The following RAPGEF5 variants were observed in gnomAD, a reference collection of about 807,000 sequenced individuals.
RAPGEF5 encodes the protein M-Ras-regulated GEF.
Under a neutral mutation model 125.2 loss-of-function variants are expected in RAPGEF5, and 65 were observed. That is an observed-to-expected ratio of 0.52 (90% CI 0.43 to 0.64). RAPGEF5 has a LOEUF of 0.64. RAPGEF5 is among the 30% of genes least tolerant of loss of function. The pLI is 0.00. For missense variants in RAPGEF5, 958 were observed against 1,048.1 expected, an observed-to-expected ratio of 0.91 and a Z score of 1.19; for synonymous variants, 391 against 385.9, an observed-to-expected ratio of 1.01 and a Z score of -0.16.
chr7:22,230,422 G>A (rs1306970732), intron 8 of RAPGEF5, among the ~76,000 whole-genome samples: 1 of 152,218 alleles, frequency 6.6e-6, no homozygotes, highest in Non-Finnish European at 1.5e-5. Context: ...GGCAGCACTA[G>A]GGTGTCCAAA....
At chr7:22,224,245 TG>T (rs1389770404) in intron 8 of RAPGEF5, among the ~76,000 whole-genome samples, 2 of 152,278 alleles carry the variant, frequency 1.3e-5, no homozygotes, top group Non-Finnish European at 2.9e-5. Flanking sequence ...TCTGAGACAA[TG>T]GTAAATATAT....
In RAPGEF5 at chr7:22,236,154, C is replaced by T. The variant is rs1232211664; in HGVS notation, c.797-5235G>A. 2.0e-5 allele frequency among the ~76,000 whole-genome samples: 3 copies of T among 152,196 alleles called. No individual in the cohort carries two copies. In the East Asian group the frequency reaches 5.8e-4, roughly 29 times the overall value. On this transcript the variant is annotated intron_variant, in intron 7 of 25. Transcript: ENST00000665637. Reference sequence around the variant, plus strand: ...GACTGTTGACTTAAAACTCTCTTTTCTGTGTCCCTATCATCCTCAAATCTT... The same window carrying T: ...GACTGTTGACTTAAAACTCTCTTTTTTGTGTCCCTATCATCCTCAAATCTT...
chr7:22,124,511 T>G (rs2128096961), intron 25 of RAPGEF5, among the ~76,000 whole-genome samples: 1 of 152,316 alleles, frequency 6.6e-6, no homozygotes, highest in African/African-American at 2.4e-5. Flanking sequence ...AGAAGTCCAG[T>G]TCCTAACTTA....
intron 11 of RAPGEF5, chr7:22,192,099 G>C (rs1292907024): frequency 6.3e-6 from 1 of 159,548 alleles, no homozygotes; most frequent in African/African-American, 2.4e-5. Context: ...TGATGAAGCA[G>C]AACATGGGAA....
chr7:22,219,432 CT>C (rs1785723799), intron 9 of RAPGEF5, among the ~76,000 whole-genome samples: 2 of 150,550 alleles, frequency 1.3e-5, no homozygotes, highest in African/African-American at 4.9e-5. Flanking sequence ...GTGTTTTCAT[CT>C]ATTTCTAGTG....
chr7:22,266,882 C>G, intron 7 of RAPGEF5, 82 bp downstream of exon 7: 1 of 1,374,064 alleles, frequency 7.3e-7, no homozygotes, highest in Non-Finnish European at 1.0e-6. Context: ...CTGAGATACA[C>G]TCAACTGCAC....
intron 5 of RAPGEF5, among the ~76,000 whole-genome samples, chr7:22,296,101 T>C (rs1376010844): frequency 2.6e-5 from 4 of 152,082 alleles, no homozygotes; most frequent in Non-Finnish European, 5.9e-5. Flanking sequence ...TTGGAAACCA[T>C]CACTGTGAGA....
chr7:22,326,538 C>G (rs1375588382), intron 1 of RAPGEF5, among the ~76,000 whole-genome samples: 1 of 152,146 alleles, frequency 6.6e-6, no homozygotes, highest in Non-Finnish European at 1.5e-5. Context: ...ACAGGAAGAG[C>G]TGTATAATCT....
intron 1 of RAPGEF5, among the ~76,000 whole-genome samples, chr7:22,338,161 C>T (rs1356613498): frequency 6.6e-6 from 1 of 152,186 alleles, no homozygotes; most frequent in Non-Finnish European, 1.5e-5. Context: ...TAATTTCTTC[C>T]TTGAGGTCTC....
chr7:22,309,306 T>C (rs1004573143), intron 4 of RAPGEF5, among the ~76,000 whole-genome samples: 16 of 152,216 alleles, frequency 1.1e-4, no homozygotes, highest in African/African-American at 3.6e-4. Flanking sequence ...ATCTGTACCA[T>C]TCTTTCACAA....
chr7:22,168,320 G>A (rs1034385505), intron 11 of RAPGEF5, among the ~76,000 whole-genome samples: 1 of 152,178 alleles, frequency 6.6e-6, no homozygotes, highest in African/African-American at 2.4e-5. Context: ...CAAGTATCGA[G>A]GAGACTGTGG....
chr7:22,200,841 C>A (rs1785260875), intron 9 of RAPGEF5, among the ~76,000 whole-genome samples: 1 of 152,208 alleles, frequency 6.6e-6, no homozygotes, highest in Non-Finnish European at 1.5e-5. Context: ...TAGTAACCTA[C>A]TGCACAATAG....
intron 9 of RAPGEF5, among the ~76,000 whole-genome samples, chr7:22,206,637 A>AT (rs1785403543): frequency 6.7e-6 from 1 of 149,372 alleles, no homozygotes; most frequent in Admixed American, 6.8e-5. Flanking sequence ...GTGAGTTGTG[A>AT]TTTTTCCATC....
chr7:22,355,829 G>T, intron 1 of RAPGEF5: 1 of 456,744 alleles, frequency 2.2e-6, no homozygotes, highest in Non-Finnish European at 2.9e-6. Context: ...CTCTGAAAGA[G>T]CTAGAAGTCT....
intron 24 of RAPGEF5, among the ~76,000 whole-genome samples, chr7:22,126,316 G>A (rs1327379154): frequency 6.6e-6 from 1 of 152,172 alleles, no homozygotes; most frequent in Non-Finnish European, 1.5e-5. Context: ...TCTCCATGAA[G>A]CCTTTCTGAG....
chr7:22,217,462 C>A (rs1055816580), intron 9 of RAPGEF5, among the ~76,000 whole-genome samples: 4 of 152,164 alleles, frequency 2.6e-5, no homozygotes, highest in African/African-American at 7.2e-5. Flanking sequence ...ATGCCCAAGA[C>A]ATAAAAGATT....
Position 22,230,811 on chromosome 7 carries a change from G to A in RAPGEF5, c.870+35C>T, listed in dbSNP as rs145457518. On this transcript the variant is annotated intron_variant, in intron 8 of 25. Transcript: ENST00000665637. The stretch of plus-strand genomic sequence containing the variant: ...TGTCTCACCACCCTCAACACAGAAG[G>A]GTATGATGAGGGGCTGTCACAGAAT... 2.6e-6 allele frequency: 4 copies of A among 1,522,098 alleles called. No homozygotes were observed. The African/African-American group carries it at 5.5e-5, about 21-fold the overall frequency. The allele number at this position is 1,522,098 out of a possible 1,614,324, so 94.3% of individuals were successfully genotyped here. A position where few individuals can be genotyped will look rare whatever the true frequency, so the allele number is the denominator to read the frequency against.
intron 6 of RAPGEF5, among the ~76,000 whole-genome samples, chr7:22,282,191 A>G (rs1164226258): frequency 1.3e-5 from 2 of 152,146 alleles, no homozygotes; most frequent in African/African-American, 4.8e-5. Context: ...CTTTGTATTC[A>G]CCACAGAGAA....
intron 7 of RAPGEF5, among the ~76,000 whole-genome samples, chr7:22,239,142 G>T (rs969091770): frequency 2.6e-5 from 4 of 152,160 alleles, no homozygotes; most frequent in African/African-American, 9.7e-5. Context: ...AGTTCCCAGG[G>T]CCCTGCTATG....
Sources: allele counts gnomAD v4.1 joint callset (sites outside exome capture counted in the v4.1 genomes callset), GRCh38; gene constraint gnomAD v4.1.1; transcripts MANE v1.5; gene names NCBI Gene and HGNC (gene_info 2026-07-23, HGNC 2026-07-21).